Variants in RALYL observed in about 807,000 individuals in gnomAD.
RALYL encodes the protein RALY RNA binding protein like.
Under a neutral mutation model 35.1 loss-of-function variants are expected in RALYL, and 29 were observed. The observed-to-expected ratio is 0.83, with a 90% CI of 0.61 to 1.13. The LOEUF is 1.13. RALYL is among the 50% of genes most tolerant of loss of function. The pLI is 0.00. For synonymous variants in RALYL, 120 were observed against 127.6 expected, an observed-to-expected ratio of 0.94 and a Z score of 0.40; for missense variants, 359 against 360.4, an observed-to-expected ratio of 1.00 and a Z score of 0.03.
intron 1 of RALYL, among the ~76,000 whole-genome samples, chr8:84,212,086 C>T (rs1048627733): frequency 6.6e-6 from 1 of 152,100 alleles, no homozygotes; most frequent in African/African-American, 2.4e-5. Flanking sequence ...AATTCTGCCT[C>T]TTAGCTCTTC....
At chr8:84,830,781 GT>G (rs1451984156) in intron 4 of RALYL, among the ~76,000 whole-genome samples, 1 of 151,820 alleles carries the variant, frequency 6.6e-6, no homozygotes, top group African/African-American at 2.4e-5. Flanking sequence ...TGAGTATAAG[GT>G]TTTTTTCTAG....
chr8:84,729,711 G>A (rs1845753477), intron 2 of RALYL, among the ~76,000 whole-genome samples: 2 of 151,956 alleles, frequency 1.3e-5, no homozygotes, highest in Admixed American at 1.3e-4. Context: ...TATCACCACT[G>A]ATCCCACAGA....
chr8:84,899,643 G>A (rs1400054801), intron 8 of RALYL, among the ~76,000 whole-genome samples: 3 of 152,128 alleles, frequency 2.0e-5, no homozygotes, highest in Non-Finnish European at 4.4e-5. Flanking sequence ...AGTCTTGAAG[G>A]CACTGAGGAG....
intron 4 of RALYL, among the ~76,000 whole-genome samples, chr8:84,837,483 A>T (rs1832259450): frequency 6.6e-6 from 1 of 152,112 alleles, no homozygotes; most frequent in Non-Finnish European, 1.5e-5. Context: ...GGAAAATAAG[A>T]AGAAATACTT....
intron 1 of RALYL, among the ~76,000 whole-genome samples, chr8:84,245,872 C>G (rs1828976012): frequency 6.6e-6 from 1 of 152,042 alleles, no homozygotes; most frequent in Admixed American, 6.6e-5. Flanking sequence ...AAAGAAGAAC[C>G]TTTCAATAAT....
chr8:84,586,823 T>C (rs147838620), intron 2 of RALYL, among the ~76,000 whole-genome samples: 1 of 152,306 alleles, frequency 6.6e-6, no homozygotes, highest in Non-Finnish European at 1.5e-5. Flanking sequence ...GAGAAGCATG[T>C]TCTTTTCTTC....
At chr8:84,688,676 T>C (rs1000068913) in intron 2 of RALYL, among the ~76,000 whole-genome samples, 1 of 152,104 alleles carries the variant, frequency 6.6e-6, no homozygotes, top group Admixed American at 6.6e-5. Context: ...GCAATGCTTT[T>C]TTACTATAAC....
At chr8:84,638,851 G>A (rs960735544) in intron 2 of RALYL, among the ~76,000 whole-genome samples, 2 of 131,180 alleles carry the variant, frequency 1.5e-5, no homozygotes, top group South Asian at 2.3e-4. Flanking sequence ...ACAGAAATAC[G>A]AGTATCTAAT....
chr8:84,483,985 T>A (rs182947651), intron 1 of RALYL, among the ~76,000 whole-genome samples: 62 of 152,278 alleles, frequency 4.1e-4, no homozygotes, highest in African/African-American at 1.4e-3. Context: ...TTAATGTTTC[T>A]TAAATTAAGA....
At chr8:84,402,046 A>G (rs890580330) in intron 1 of RALYL, among the ~76,000 whole-genome samples, 1 of 152,304 alleles carries the variant, frequency 6.6e-6, no homozygotes, top group East Asian at 1.9e-4. Flanking sequence ...CTTGAACACA[A>G]GCTTGAATAA....
Position 84,887,597 on chromosome 8 carries a change from C to A in RALYL, c.686-7C>A, listed in dbSNP as rs376828814. 337 of 1,599,840 alleles carry A rather than the reference C, an allele frequency of 2.1e-4. No homozygotes were observed. Among genetic ancestry groups the A allele is most frequent in the Non-Finnish European group, 1.8e-4 (211 of 1,173,964 alleles). On this transcript the variant is annotated splice_polypyrimidine_tract_variant and splice_region_variant and intron_variant, in intron 7 of 8. Transcript: ENST00000521268. Reference sequence around the variant, plus strand: ...GGTAGTAGTCATTTGCTTTCTCCCCCCCCCAGAAGCTCAGAAGAAGCAATT... The same window carrying A: ...GGTAGTAGTCATTTGCTTTCTCCCCACCCCAGAAGCTCAGAAGAAGCAATT...
intron 1 of RALYL, among the ~76,000 whole-genome samples, chr8:84,383,378 A>T (rs1394516818): frequency 1.3e-5 from 2 of 151,796 alleles, no homozygotes; most frequent in Non-Finnish European, 3.0e-5. Flanking sequence ...TTTGCAACAA[A>T]TAAGAGGAAA....
rs2047041820 is a variant in RALYL, at chr8:84,430,600, C to T, written c.-23-98699C>T. 2.6e-5 allele frequency among the ~76,000 whole-genome samples: 4 copies of T among 152,038 alleles called. No individual in the cohort carries two copies. In the South Asian group the frequency reaches 8.3e-4, roughly 31 times the overall value. ...GTCAGTGGTTTACTCTAGTGTAAAACATTTGGCTCTGGAAAAAATCATGTT... is the reference window on the plus strand; with the variant it reads ...GTCAGTGGTTTACTCTAGTGTAAAATATTTGGCTCTGGAAAAAATCATGTT... On this transcript the variant is annotated intron_variant, in intron 1 of 8. Transcript: ENST00000521268.
At chr8:84,774,275 G>T (rs944082303) in intron 2 of RALYL, among the ~76,000 whole-genome samples, 1 of 152,064 alleles carries the variant, frequency 6.6e-6, no homozygotes, top group Non-Finnish European at 1.5e-5. Flanking sequence ...CATTTTGATT[G>T]TTTATAGTAC....
intron 1 of RALYL, among the ~76,000 whole-genome samples, chr8:84,410,611 G>C (rs539075230): frequency 6.6e-6 from 1 of 151,372 alleles, no homozygotes; most frequent in Admixed American, 6.6e-5. Flanking sequence ...ACAATATGTC[G>C]TTTTTAAAAA....
Position 84,247,858 on chromosome 8 carries a change from C to T in RALYL, c.-24+63434C>T, listed in dbSNP as rs535911306. On this transcript the variant is annotated intron_variant, in intron 1 of 8. Transcript: ENST00000521268. ...TGCAAATAAAATAAATGGTGGGACTCAGACTATCCTAGCTTTGCATTAATT... is the reference window on the plus strand; with the variant it reads ...TGCAAATAAAATAAATGGTGGGACTTAGACTATCCTAGCTTTGCATTAATT... Among the ~76,000 whole-genome samples, 116 of 152,230 alleles carry T rather than the reference C, an allele frequency of 7.6e-4. 4 individuals are homozygous for T. The South Asian group carries it at 0.022, about 29-fold the overall frequency.
At chr8:84,634,010 TCAAA>T (rs1824492668) in intron 2 of RALYL, among the ~76,000 whole-genome samples, 1 of 151,882 alleles carries the variant, frequency 6.6e-6, no homozygotes, top group African/African-American at 2.4e-5. Flanking sequence ...ACAGTTCCTG[TCAAA>T]CAAAATACCT....
chr8:84,429,700 T>C (rs2046934598), intron 1 of RALYL, among the ~76,000 whole-genome samples: 1 of 152,064 alleles, frequency 6.6e-6, no homozygotes, highest in Admixed American at 6.6e-5. Context: ...AAAAATTATT[T>C]TGATGTGCTA....
At chr8:84,672,073 C>T (rs1230321440) in intron 2 of RALYL, among the ~76,000 whole-genome samples, 2 of 152,162 alleles carry the variant, frequency 1.3e-5, no homozygotes, top group Admixed American at 6.5e-5. Flanking sequence ...GCACCCAAGT[C>T]ACATCTCTAA....
Sources: gnomAD v4.1 joint callset for allele counts (sites outside exome capture counted in the v4.1 genomes callset) on GRCh38, gnomAD v4.1.1 for gene constraint, MANE v1.5 for transcripts, NCBI Gene and HGNC (gene_info 2026-07-23, HGNC 2026-07-21) for gene names.